STIM1: variants seen among roughly 807,000 people sequenced by gnomAD.
The protein encoded by STIM1 is stromal interaction molecule 1.
A neutral mutation model predicts 74.7 loss-of-function variants in STIM1; 25 were observed. The observed-to-expected ratio is 0.33, with a 90% CI of 0.24 to 0.47. The LOEUF is 0.47. Among genes scored for constraint, STIM1 ranks in the 20% least tolerant of loss-of-function variants. STIM1 has a pLI of 1.00. For missense variants in STIM1, 728 were observed against 920.8 expected (o/e 0.79, Z 2.71); for synonymous variants, 328 against 348.8 (o/e 0.94, Z 0.66).
In STIM1 at chr11:4,092,745, A is replaced by G. The variant is rs1037035727; in HGVS notation, c.*947A>G. Reference sequence around the variant, plus strand: ...TGGGCAAGGATGCTGTCATTTTTTGAACCAAAAGACAAACAGGTTAAAAGG... The same window carrying G: ...TGGGCAAGGATGCTGTCATTTTTTGGACCAAAAGACAAACAGGTTAAAAGG... On this transcript the variant is annotated 3_prime_UTR_variant, in exon 13 of 13. Transcript: ENST00000526596. 6 of 152,114 alleles carry G rather than the reference A, an allele frequency of 3.9e-5. No homozygotes were observed. Among genetic ancestry groups the G allele is most frequent in the African/African-American group, 1.4e-4 (6 of 41,404 alleles). The allele number at this position is 152,114 out of a possible 1,614,324, so 9.4% of individuals were successfully genotyped here.
intron 2 of STIM1, among the ~76,000 whole-genome samples, chr11:4,011,374 G>T (rs553509117): frequency 3.6e-4 from 55 of 152,252 alleles, no homozygotes; most frequent in South Asian, 1.0e-3. Flanking sequence ...ATCCTTTCCA[G>T]CATCTGTTGT....
chr11:3,965,731 C>T (rs1236170883), intron 1 of STIM1, among the ~76,000 whole-genome samples: 1 of 152,318 alleles, frequency 6.6e-6, no homozygotes, highest in Non-Finnish European at 1.5e-5. Flanking sequence ...GCAGGCTGGG[C>T]GTGGTGGCCC....
chr11:3,890,564 C>T (rs137862722), intron 1 of STIM1, among the ~76,000 whole-genome samples: 43 of 152,130 alleles, frequency 2.8e-4, no homozygotes, highest in African/African-American at 9.4e-4. Context: ...ATATTGTGGC[C>T]GGGCATGGTG....
chr11:4,045,152 G>A (rs990249273), intron 3 of STIM1, among the ~76,000 whole-genome samples: 3 of 152,162 alleles, frequency 2.0e-5, no homozygotes, highest in East Asian at 1.9e-4. Context: ...GGCCCTTGAT[G>A]TACTGCTGGC....
chr11:3,987,292 G>T (rs2093566416), intron 2 of STIM1, among the ~76,000 whole-genome samples: 1 of 152,182 alleles, frequency 6.6e-6, no homozygotes, highest in Non-Finnish European at 1.5e-5. Flanking sequence ...GAGGTAGTTT[G>T]CATTTTACAG....
rs554485872 is a variant in STIM1, at chr11:3,871,654, T to C, written c.139+15245T>C. On this transcript the variant is annotated intron_variant, in intron 1 of 12. Coordinates refer to ENST00000526596, the MANE Select transcript of STIM1 (RefSeq NM_001382567.1). ...TTTCTTTCCATTGTTTTCTTGAAAC[T>C]TTTTTCATTTTCTTCCCTCTTCCTA... Among the ~76,000 whole-genome samples, 63 of 152,348 alleles carry C rather than the reference T, an allele frequency of 4.1e-4. 1 individual carries two copies. Among genetic ancestry groups the C allele is most frequent in the Non-Finnish European group, 4.6e-4 (31 of 68,030 alleles).
At chr11:3,863,855 A>G (rs2090739057) in intron 1 of STIM1, among the ~76,000 whole-genome samples, 1 of 152,088 alleles carries the variant, frequency 6.6e-6, no homozygotes, top group Non-Finnish European at 1.5e-5. Flanking sequence ...ATATTGTTAC[A>G]ATTATTCCGC....
chr11:3,890,173 T>G (rs1300400918), intron 1 of STIM1, among the ~76,000 whole-genome samples: 2 of 152,204 alleles, frequency 1.3e-5, no homozygotes, highest in African/African-American at 4.8e-5. Context: ...CCATCACGCT[T>G]ACCCTCTCTG....
intron 1 of STIM1, among the ~76,000 whole-genome samples, chr11:3,872,198 G>A (rs2091124248): frequency 2.6e-5 from 4 of 151,984 alleles, no homozygotes; most frequent in South Asian, 4.1e-4. Context: ...GACTATAGGC[G>A]TGTGCCACCA....
intron 1 of STIM1, 85 bp from the exon 2 acceptor site, chr11:3,967,467 T>G (rs763164636): frequency 7.6e-5 from 122 of 1,607,264 alleles, no homozygotes; most frequent in Non-Finnish European, 9.8e-5. Context: ...AGTCAGATGC[T>G]AGAAGCTAAG....
At chr11:4,086,579 G>T in intron 12 of STIM1, 36 bp downstream of exon 12, 7 of 1,613,556 alleles carry the variant, frequency 4.3e-6, no homozygotes, top group South Asian at 1.1e-5. Flanking sequence ...TTCTTGACAA[G>T]CCGGGTATCT....
At chr11:4,011,063 G>A (rs140864487) in intron 2 of STIM1, among the ~76,000 whole-genome samples, 3,927 of 152,172 alleles carry the variant, frequency 0.026, 152 homozygotes, top group African/African-American at 0.085. Flanking sequence ...CTTTTTTATG[G>A]CTGCATAGTA....
intron 1 of STIM1, among the ~76,000 whole-genome samples, chr11:3,965,866 G>A (rs2093335385): frequency 6.6e-6 from 1 of 152,140 alleles, no homozygotes; most frequent in East Asian, 1.9e-4. Context: ...AATTAGCCGG[G>A]CGTGGTGGCG....
chr11:3,934,120 G>A (rs1184141252), intron 1 of STIM1, among the ~76,000 whole-genome samples: 1 of 152,156 alleles, frequency 6.6e-6, no homozygotes, highest in Non-Finnish European at 1.5e-5. Flanking sequence ...TCAGGGTTGT[G>A]TACGGGGTGG....
At chr11:4,027,326 T>C (rs2094005785) in intron 3 of STIM1, among the ~76,000 whole-genome samples, 1 of 152,126 alleles carries the variant, frequency 6.6e-6, no homozygotes, top group Non-Finnish European at 1.5e-5. Flanking sequence ...TTTTTCTTTT[T>C]TTTGAGACAG....
At chr11:3,883,417 A>G (rs909258133) in intron 1 of STIM1, among the ~76,000 whole-genome samples, 1 of 152,138 alleles carries the variant, frequency 6.6e-6, no homozygotes, top group Non-Finnish European at 1.5e-5. Context: ...GTGCAATGGC[A>G]TGATCTTGGC....
At chr11:4,036,610 C>T (rs1468439506) in intron 3 of STIM1, among the ~76,000 whole-genome samples, 6 of 152,134 alleles carry the variant, frequency 3.9e-5, no homozygotes, top group Admixed American at 2.0e-4. Context: ...TGATCAGTGA[C>T]GTTGAGCTTT....
At chr11:3,922,310 A>G (rs2092727447) in intron 1 of STIM1, among the ~76,000 whole-genome samples, 1 of 152,188 alleles carries the variant, frequency 6.6e-6, no homozygotes, top group South Asian at 2.1e-4. Flanking sequence ...GAATATCTAT[A>G]TAGACATATA....
intron 1 of STIM1, among the ~76,000 whole-genome samples, chr11:3,907,728 A>G (rs1240091799): frequency 2.0e-5 from 3 of 152,168 alleles, no homozygotes. Flanking sequence ...AGTGGCCCAC[A>G]AGATCACATA....
Sources: gnomAD v4.1 joint callset for allele counts (sites outside exome capture counted in the v4.1 genomes callset) on GRCh38, gnomAD v4.1.1 for gene constraint, MANE v1.5 for transcripts, NCBI Gene and HGNC (gene_info 2026-07-23, HGNC 2026-07-21) for gene names.